The following STK33 variants were observed in gnomAD, a reference collection of about 807,000 sequenced individuals.
STK33 encodes serine/threonine kinase 33.
STK33 carries 52 observed loss-of-function variants against 58.0 expected under a neutral mutation model. That is an observed-to-expected ratio of 0.90 (90% confidence interval 0.72 to 1.13). STK33 has a LOEUF of 1.13. STK33 is among the 50% of genes most tolerant of loss of function. STK33 has a pLI of 0.00. For synonymous variants in STK33, 215 were observed against 200.1 expected (o/e 1.07, Z -0.63); for missense variants, 630 against 604.2 (o/e 1.04, Z -0.45).
downstream of STK33, among the ~76,000 whole-genome samples, chr11:8,388,020 T>C (rs1848567871): frequency 6.6e-6 from 1 of 152,136 alleles, no homozygotes; most frequent in African/African-American, 2.4e-5. Context: ...CAGGATCTAG[T>C]TCGGAGAGGA....
At chr11:8,550,823 T>C (rs533309779) in intron 1 of STK33, among the ~76,000 whole-genome samples, 72 of 152,328 alleles carry the variant, frequency 4.7e-4, no homozygotes, top group African/African-American at 1.7e-3. Flanking sequence ...CCACATTTCC[T>C]GTCTTCTTCT....
At chr11:8,416,404 TA>T (rs1161319999) in intron 14 of STK33, among the ~76,000 whole-genome samples, 1 of 149,946 alleles carries the variant, frequency 6.7e-6, no homozygotes, top group Non-Finnish European at 1.5e-5. Flanking sequence ...TACAGTGTAC[TA>T]AATGAACATC....
the STK33 span, among the ~76,000 whole-genome samples, chr11:8,385,701 C>T: frequency 2.3e-3 from 346 of 152,210 alleles, 1 homozygote; most frequent in Non-Finnish European, 2.6e-3. Context: ...TTATATCCAG[C>T]GCCTATCAGT....
chr11:8,464,383 A>G (rs530961382), intron 7 of STK33, among the ~76,000 whole-genome samples: 1 of 152,336 alleles, frequency 6.6e-6, no homozygotes, highest in African/African-American at 2.4e-5. Flanking sequence ...TCTAGCTAAG[A>G]TATCTCTAGC....
intron 14 of STK33, among the ~76,000 whole-genome samples, chr11:8,419,236 T>C (rs1392918224): frequency 6.6e-6 from 1 of 152,204 alleles, no homozygotes; most frequent in Admixed American, 6.5e-5. Context: ...AAGTATTTAG[T>C]CCATCTTGAC....
chr11:8,500,022 A>T (rs1215569690), intron 1 of STK33, among the ~76,000 whole-genome samples: 1 of 152,150 alleles, frequency 6.6e-6, no homozygotes, highest in Non-Finnish European at 1.5e-5. Context: ...ATACCTATGT[A>T]ACAAACCTAC....
chr11:8,503,746 G>A (rs7931834), intron 1 of STK33, among the ~76,000 whole-genome samples: 39,599 of 151,934 alleles, frequency 0.26, 5,303 homozygotes, highest in African/African-American at 0.32. Context: ...TGGGTGGGAA[G>A]CCCTTCTTCA....
At chr11:8,426,002 C>T (rs1422577927) in intron 14 of STK33, among the ~76,000 whole-genome samples, 1 of 150,396 alleles carries the variant, frequency 6.6e-6, no homozygotes, top group Non-Finnish European at 1.5e-5. Context: ...TTTTAGTTTA[C>T]CCATCCATAG....
the STK33 span, among the ~76,000 whole-genome samples, chr11:8,337,642 G>T: frequency 3.2e-5 from 4 of 124,408 alleles, no homozygotes; most frequent in African/African-American, 9.1e-5. Flanking sequence ...CGACGGCGGG[G>T]GGCGGGGGGG....
chr11:8,485,265 A>T (rs1950122003), intron 1 of STK33, among the ~76,000 whole-genome samples: 1 of 152,212 alleles, frequency 6.6e-6, no homozygotes. Flanking sequence ...ATGAGTTTCC[A>T]GACCTCTTCT....
chr11:8,484,648 C>T lies in STK33; in HGVS notation c.-465-4034G>A, dbSNP rs925584576. Among the ~76,000 whole-genome samples, 3 of 152,016 alleles carry T rather than the reference C, an allele frequency of 2.0e-5. No individual in the cohort carries two copies. The South Asian group carries it at 6.2e-4, about 32-fold the overall frequency. On this transcript the variant is annotated intron_variant, in intron 1 of 15. Transcript: ENST00000687296. ...TAGCAAAGAGAACATTTTAATTTAG[C>T]CAAGACCAAAGTCTATCAAATAAAA...
chr11:8,385,430 C>T, the STK33 span, among the ~76,000 whole-genome samples: 623 of 152,304 alleles, frequency 4.1e-3, 6 homozygotes, highest in African/African-American at 0.015. Flanking sequence ...GTCCTGGACT[C>T]CATCAAGCTC....
At chr11:8,399,513 C>A (rs1372486094) in intron 15 of STK33, among the ~76,000 whole-genome samples, 2 of 152,156 alleles carry the variant, frequency 1.3e-5, no homozygotes, top group Non-Finnish European at 2.9e-5. Flanking sequence ...CAAGAGAAAG[C>A]AGGAAAGATC....
chr11:8,459,802 A>G (rs779890998), intron 8 of STK33, among the ~76,000 whole-genome samples: 2 of 152,180 alleles, frequency 1.3e-5, no homozygotes, highest in Non-Finnish European at 2.9e-5. Context: ...AAATCTCCAG[A>G]GATTTGCAGA....
intron 1 of STK33, among the ~76,000 whole-genome samples, chr11:8,574,594 T>C (rs1433671881): frequency 6.6e-6 from 1 of 151,602 alleles, no homozygotes; most frequent in Non-Finnish European, 1.5e-5. Context: ...ATCCAGAAAA[T>C]AAAAAAGGAA....
chr11:8,523,474 C>G (rs1484148223), intron 1 of STK33, among the ~76,000 whole-genome samples: 2 of 151,646 alleles, frequency 1.3e-5, no homozygotes, highest in African/African-American at 4.8e-5. Flanking sequence ...AGCCCCTCCA[C>G]CCGGCGGCCG....
chr11:8,404,050 TGATA>T (rs766361370), intron 15 of STK33, among the ~76,000 whole-genome samples: 4 of 152,214 alleles, frequency 2.6e-5, no homozygotes, highest in Admixed American at 2.6e-4. Context: ...GACAAAATTC[TGATA>T]TAAGTTTAAT....
chr11:8,414,648 G>C (rs1474683753), intron 14 of STK33, among the ~76,000 whole-genome samples: 1 of 152,106 alleles, frequency 6.6e-6, no homozygotes, highest in Non-Finnish European at 1.5e-5. Context: ...TAAAGACATA[G>C]ACAAACACTA....
rs575645384 is a variant in STK33 at position 8,410,139 on chromosome 11, C to T, written c.1344+3356G>A. Among the ~76,000 whole-genome samples, 3 of 152,220 alleles carry T rather than the reference C, an allele frequency of 2.0e-5. No individual in the cohort carries two copies. In the South Asian group the frequency reaches 6.2e-4, roughly 32 times the overall value. On this transcript the variant is annotated intron_variant, in intron 15 of 15. Coordinates refer to ENST00000687296, the MANE Select transcript of STK33 (RefSeq NM_001352389.2). ...ACTCAGAAAGCTAAAATGTAATTTT[C>T]AGGAAAAGAAAATTTTTATCCCACT... is the stretch of plus-strand genomic sequence containing the variant.
Sources: gnomAD v4.1 joint callset for allele counts (sites outside exome capture counted in the v4.1 genomes callset) on GRCh38, gnomAD v4.1.1 for gene constraint, MANE v1.5 for transcripts, NCBI Gene and HGNC (gene_info 2026-07-23, HGNC 2026-07-21) for gene names.